VTI1A: variants seen among roughly 807,000 people sequenced by gnomAD.
VTI1A encodes vesicle transport through interaction with t-SNAREs 1A, also known as vesicle transport through interaction with t-SNAREs homolog 1A.
VTI1A carries 22 observed loss-of-function variants against 34.9 expected under a neutral mutation model. The observed-to-expected ratio is 0.63, with a 90% CI of 0.45 to 0.90. The LOEUF (loss-of-function observed/expected upper bound fraction) is 0.90, where lower values mean the gene tolerates loss of function less well. Among genes scored for constraint, VTI1A ranks in the 40% least tolerant of loss-of-function variants. The pLI is 0.00. For missense variants in VTI1A, 268 were observed against 275.6 expected (o/e 0.97, Z 0.20); for synonymous variants, 87 against 97.3 (o/e 0.89, Z 0.62).
chr10:112,457,257 C>T (rs1377412488), intron 1 of VTI1A, among the ~76,000 whole-genome samples: 1 of 152,160 alleles, frequency 6.6e-6, no homozygotes, highest in Non-Finnish European at 1.5e-5. Context: ...GGCAGGGAGA[C>T]CAAGGTGGTT....
chr10:112,706,168 C>T (rs1051779027), intron 7 of VTI1A, among the ~76,000 whole-genome samples: 1 of 152,064 alleles, frequency 6.6e-6, no homozygotes, highest in Non-Finnish European at 1.5e-5. Context: ...TGCCGACAGC[C>T]TCATTCATAT....
At chr10:112,762,778 T>C (rs1851513954) in intron 7 of VTI1A, among the ~76,000 whole-genome samples, 1 of 152,174 alleles carries the variant, frequency 6.6e-6, no homozygotes, top group South Asian at 2.1e-4. Flanking sequence ...TGTAGCTTAC[T>C]TTCCCTCCCA....
intron 5 of VTI1A, among the ~76,000 whole-genome samples, chr10:112,571,488 CAG>C (rs1302115306): frequency 6.6e-6 from 1 of 152,122 alleles, no homozygotes; most frequent in Non-Finnish European, 1.5e-5. Flanking sequence ...CAAAAAATAA[CAG>C]ATATTGGCGA....
At chr10:112,676,487 T>C (rs1351206132) in intron 7 of VTI1A, among the ~76,000 whole-genome samples, 1 of 152,232 alleles carries the variant, frequency 6.6e-6, no homozygotes, top group African/African-American at 2.4e-5. Context: ...AGATGAGTGC[T>C]GTTTCTTCTG....
At chr10:112,514,319 T>C (rs1014221704) in intron 3 of VTI1A, among the ~76,000 whole-genome samples, 5 of 151,972 alleles carry the variant, frequency 3.3e-5, no homozygotes, top group African/African-American at 1.2e-4. Flanking sequence ...TAGTTTCTTA[T>C]GATCCTTTGT....
intron 7 of VTI1A, among the ~76,000 whole-genome samples, chr10:112,725,633 G>T (rs1849994140): frequency 6.6e-6 from 1 of 152,148 alleles, no homozygotes; most frequent in African/African-American, 2.4e-5. Flanking sequence ...GCATTTACTA[G>T]CTATTATTCT....
chr10:112,598,686 T>C (rs1247573314), intron 5 of VTI1A, among the ~76,000 whole-genome samples: 1 of 152,206 alleles, frequency 6.6e-6, no homozygotes, highest in Admixed American at 6.5e-5. Flanking sequence ...TGGAGAACAA[T>C]GGGGACCAAT....
At chr10:112,747,279 T>C (rs1253095259) in intron 7 of VTI1A, among the ~76,000 whole-genome samples, 1 of 152,232 alleles carries the variant, frequency 6.6e-6, no homozygotes, top group Non-Finnish European at 1.5e-5. Context: ...AGTATTCTTA[T>C]TAGCATGCAT....
chr10:112,747,544 G>A (rs140378279), intron 7 of VTI1A, among the ~76,000 whole-genome samples: 2 of 152,302 alleles, frequency 1.3e-5, no homozygotes, highest in East Asian at 1.9e-4. Context: ...TATAGTTTCC[G>A]TTGTTGACCA....
At position 112,460,586 on chromosome 10, in the gene VTI1A, T is replaced by C; in HGVS notation, c.153+4T>C. The C allele has an allele frequency of 1.3e-6, 2 of 1,599,212 alleles. No homozygotes were observed. Among genetic ancestry groups the C allele is most frequent in the Non-Finnish European group, 1.7e-6 (2 of 1,173,616 alleles). ...GCTTGAAGAAGCGAAAGAACTGGTA[T>C]GTACAGACAGTAATGTATTTTAACA... On this transcript the variant is annotated splice_donor_region_variant and intron_variant, in intron 2 of 7. Coordinates refer to ENST00000393077, the MANE Select transcript of VTI1A (RefSeq NM_145206.4).
intron 1 of VTI1A, among the ~76,000 whole-genome samples, chr10:112,455,500 CTCCTTCCTTTGTTCCTT>C (rs1289563688): frequency 2.1e-4 from 15 of 70,406 alleles, no homozygotes; most frequent in Non-Finnish European, 3.3e-4. Context: ...CCCTCCTTCT[CTCCTTCCTTTGTTCCTT>C]TCCTTCCTTT....
intron 7 of VTI1A, among the ~76,000 whole-genome samples, chr10:112,683,982 G>A (rs1848310192): frequency 6.6e-6 from 1 of 151,906 alleles, no homozygotes; most frequent in Non-Finnish European, 1.5e-5. Context: ...GGTAGAGGTT[G>A]CAGTGAGCTG....
intron 7 of VTI1A, chr10:112,672,807 G>A (rs1032426780): frequency 6.6e-6 from 1 of 152,072 alleles, no homozygotes; most frequent in Non-Finnish European, 1.5e-5. Context: ...AATTCAGTCA[G>A]AATAAAAAGA....
intron 5 of VTI1A, among the ~76,000 whole-genome samples, chr10:112,576,024 T>C (rs865819603): frequency 3.2e-3 from 408 of 127,848 alleles, no homozygotes; most frequent in African/African-American, 0.011. Flanking sequence ...CTTTTCTTTT[T>C]TTTTTTTTTT....
At chr10:112,622,237 G>A (rs920445112) in intron 5 of VTI1A, among the ~76,000 whole-genome samples, 1 of 152,102 alleles carries the variant, frequency 6.6e-6, no homozygotes, top group Non-Finnish European at 1.5e-5. Flanking sequence ...CGGTCCCTGT[G>A]CCCCTGAAAG....
At chr10:112,658,070 C>T (rs1847300427) in intron 5 of VTI1A, among the ~76,000 whole-genome samples, 1 of 151,976 alleles carries the variant, frequency 6.6e-6, no homozygotes, top group Admixed American at 6.6e-5. Flanking sequence ...CTAGTTTGCT[C>T]ATTTGTTCTA....
chr10:112,693,408 G>A (rs777894790), intron 7 of VTI1A, among the ~76,000 whole-genome samples: 5 of 151,960 alleles, frequency 3.3e-5, no homozygotes, highest in Non-Finnish European at 1.5e-5. Flanking sequence ...TTAGCCAGGC[G>A]TGGTGGTGGG....
At chr10:112,762,706 A>G (rs1296529958) in intron 7 of VTI1A, among the ~76,000 whole-genome samples, 2 of 152,108 alleles carry the variant, frequency 1.3e-5, no homozygotes, top group Non-Finnish European at 2.9e-5. Context: ...ATCTACCCGG[A>G]AGAGAGTTGT....
chr10:112,509,487 C>A (rs1162025142), intron 3 of VTI1A, among the ~76,000 whole-genome samples: 3 of 152,126 alleles, frequency 2.0e-5, no homozygotes, highest in Non-Finnish European at 4.4e-5. Context: ...AAAAGAATGA[C>A]CTCTTCCAGT....
Sources: gnomAD v4.1 joint callset for allele counts (sites outside exome capture counted in the v4.1 genomes callset) on GRCh38, gnomAD v4.1.1 for gene constraint, MANE v1.5 for transcripts, NCBI Gene and HGNC (gene_info 2026-07-23, HGNC 2026-07-21) for gene names.